The following CUBN variants were observed in gnomAD, a reference collection of about 807,000 sequenced individuals.
CUBN encodes 460 kDa receptor.
A neutral mutation model predicts 405.3 loss-of-function variants in CUBN; 282 were observed. The observed-to-expected ratio is 0.70, with a 90% CI of 0.63 to 0.77. The LOEUF (loss-of-function observed/expected upper bound fraction) is 0.77, where lower values mean the gene tolerates loss of function less well. Ranked by LOEUF, CUBN falls within the 30% of genes least tolerant of loss-of-function variation. CUBN has a pLI of 0.00. For missense variants in CUBN, 4,514 were observed against 4,475.2 expected, an observed-to-expected ratio of 1.01 and a Z score of -0.25; for synonymous variants, 1,684 against 1,617.0, an observed-to-expected ratio of 1.04 and a Z score of -0.99.
At chr10:16,949,904 G>C (rs770952579) in intron 34 of CUBN, 97 bp downstream of exon 34, 19 of 908,314 alleles carry the variant, frequency 2.1e-5, no homozygotes, top group Middle Eastern at 3.2e-4. Context: ...CTATTTATTG[G>C]AAACATTGCA....
chr10:16,951,558 C>T (rs1179836088), intron 33 of CUBN, among the ~76,000 whole-genome samples: 3 of 151,994 alleles, frequency 2.0e-5, no homozygotes, highest in Non-Finnish European at 4.4e-5. Context: ...TCAGAAGGGC[C>T]CCAGCATCAC....
At chr10:16,977,577 CT>C (rs1256444105) in intron 31 of CUBN, among the ~76,000 whole-genome samples, 1 of 152,174 alleles carries the variant, frequency 6.6e-6, no homozygotes, top group Non-Finnish European at 1.5e-5. Context: ...AGTAAAACCC[CT>C]GCATTCACCA....
intron 27 of CUBN, among the ~76,000 whole-genome samples, chr10:17,025,924 C>A (rs1834650928): frequency 6.6e-6 from 1 of 152,032 alleles, no homozygotes; most frequent in African/African-American, 2.4e-5. Flanking sequence ...CAGGGGACAG[C>A]AGCAAAGAGA....
At position 17,090,036 on chromosome 10, in the gene CUBN, A is replaced by G. The variant is rs117495193; in HGVS notation, c.1766-1691T>C. On this transcript the variant is annotated intron_variant, in intron 14 of 66. Coordinates refer to ENST00000377833, the MANE Select transcript of CUBN (RefSeq NM_001081.4). Reference sequence around the variant, plus strand: ...GAGACTGAGGAAGGAGGATCACTTGAGCCTGGGAGGTTGAGGTTGCTGTGA... The same window carrying G: ...GAGACTGAGGAAGGAGGATCACTTGGGCCTGGGAGGTTGAGGTTGCTGTGA... Among the ~76,000 whole-genome samples the G allele has an allele frequency of 1.7e-3, 260 of 152,272 alleles. 4 individuals are homozygous for G. In the East Asian group the frequency reaches 0.038, roughly 22 times the overall value.
chr10:17,121,504 C>G (rs2131321377), intron 6 of CUBN, among the ~76,000 whole-genome samples: 1 of 129,630 alleles, frequency 7.7e-6, no homozygotes, highest in Middle Eastern at 5.6e-3. Context: ...AATGAGAACA[C>G]ATGGACACAG....
At chr10:16,926,041 G>A (rs962638215) in intron 41 of CUBN, among the ~76,000 whole-genome samples, 18 of 152,126 alleles carry the variant, frequency 1.2e-4, no homozygotes, top group Non-Finnish European at 1.8e-4. Flanking sequence ...CTTTATAGAT[G>A]GGGAAGACAT....
intron 49 of CUBN, among the ~76,000 whole-genome samples, chr10:16,906,802 AGAT>A (rs1190779344): frequency 1.3e-5 from 2 of 151,954 alleles, no homozygotes; most frequent in African/African-American, 4.8e-5. Flanking sequence ...TAAATCAAAC[AGAT>A]AATAGGACAT....
chr10:17,053,210 G>C (rs1192386596), intron 22 of CUBN, among the ~76,000 whole-genome samples: 1 of 151,976 alleles, frequency 6.6e-6, no homozygotes, highest in Non-Finnish European at 1.5e-5. Flanking sequence ...ATAATGGTAT[G>C]TTAAATTCAA....
At chr10:16,935,521 T>C (rs183823100) in intron 39 of CUBN, among the ~76,000 whole-genome samples, 10 of 152,318 alleles carry the variant, frequency 6.6e-5, no homozygotes, top group African/African-American at 2.4e-4. Context: ...CTTCTCAGTG[T>C]ATCCATAATA....
At chr10:16,825,628 AGTGTGTGTGTGTGTGTGTGTGT>A (rs377156071) in intron 66 of CUBN, among the ~76,000 whole-genome samples, 14 of 136,008 alleles carry the variant, frequency 1.0e-4, no homozygotes, top group Middle Eastern at 4.0e-3. Flanking sequence ...TCTGTGGAAC[AGTGTGTGTGTGTGTGTGTGTGT>A]GTGTGTGTGT....
chr10:17,083,957 C>A (rs962067925), intron 17 of CUBN, among the ~76,000 whole-genome samples: 5 of 152,104 alleles, frequency 3.3e-5, no homozygotes, highest in African/African-American at 1.2e-4. Context: ...ACCTCCAAAA[C>A]AAGGGTCATT....
Position 16,833,303 on chromosome 10 carries a change from G to A in CUBN, c.10362+1711C>T, listed in dbSNP as rs191007352. On this transcript the variant is annotated intron_variant, in intron 64 of 66. Transcript: ENST00000377833. ...CAGGTCCAAGTTGAATAACCTGACC[G>A]GCACAAAGAATAACTGTATTTGCCT... Among the ~76,000 whole-genome samples, 655 of 152,258 alleles carry A rather than the reference G, an allele frequency of 4.3e-3. 5 individuals carry two copies. The highest frequency in any genetic ancestry group is 6.6e-3 in the Admixed American group (101 of 15,298).
In CUBN at chr10:16,869,774, C is replaced by CGCT. The variant is rs1840296442; in HGVS notation, c.9313_9315dup (p.Ser3105dup). On this transcript the variant is annotated inframe_insertion, in exon 59 of 67. Transcript: ENST00000377833. ...CCGCAGAATTTGCCAAGAAGGGGAT[C>CGCT]GCTGGTATTGGCACCATCGTAAATT... 2 of 1,614,018 alleles carry CGCT rather than the reference C, an allele frequency of 1.2e-6. No individual in the cohort carries two copies. Among genetic ancestry groups the CGCT allele is most frequent in the Non-Finnish European group, 1.7e-6 (2 of 1,179,956 alleles).
chr10:17,060,349 G>A (rs971305999), intron 22 of CUBN, among the ~76,000 whole-genome samples: 2 of 151,732 alleles, frequency 1.3e-5, no homozygotes, highest in African/African-American at 2.4e-5. Context: ...TCGAACTCCC[G>A]ATCTCAGGTG....
chr10:17,023,026 C>G (rs1834539560), intron 27 of CUBN, among the ~76,000 whole-genome samples: 1 of 152,192 alleles, frequency 6.6e-6, no homozygotes, highest in Non-Finnish European at 1.5e-5. Flanking sequence ...AGGTCATGAA[C>G]AGCATAGCAT....
At position 17,104,610 on chromosome 10, in the gene CUBN, G is replaced by A. The variant is rs961557864; in HGVS notation, c.1231-5C>T. On this transcript the variant is annotated splice_polypyrimidine_tract_variant and splice_region_variant and intron_variant, in intron 11 of 66. Transcript: ENST00000377833. The stretch of plus-strand genomic sequence containing the variant: ...AAAATAACCAGAGACAGTGTCCTAA[G>A]GGGAAAAAAAACACATAATACCATA... 6.2e-7 allele frequency: 1 copy of A among 1,609,420 alleles called. No individual in the cohort carries two copies. Among genetic ancestry groups the A allele is most frequent in the Non-Finnish European group, 8.5e-7 (1 of 1,177,924 alleles).
intron 31 of CUBN, among the ~76,000 whole-genome samples, chr10:16,955,888 C>G (rs920077912): frequency 2.0e-5 from 3 of 152,122 alleles, no homozygotes; most frequent in African/African-American, 7.2e-5. Context: ...TTGTTCACTG[C>G]AAGGTATCAA....
Position 16,940,184 on chromosome 10 carries a change from C to T in CUBN, c.5396G>A (p.Arg1799His), listed in dbSNP as rs758077332. Residue 1799 changes from arginine to histidine, a missense_variant, in exon 37 of 67, where the codon CGT becomes CAT. Physicochemically the swap from Arg to His is conservative, Grantham distance 29. This residue lies in a region of CUBN where 1,613 missense variants were observed against 1,542.8 expected (regional missense o/e 1.05). Coordinates refer to ENST00000377833, the MANE Select transcript of CUBN (RefSeq NM_001081.4). ...CAAGTGACCCGTGGCATTTCCTTCA[C>T]GGATCTCCACAAAATCTCTGCTGCA... ...QDCSRDFVEI[R>H]EGNATGHLVG... 23 of 1,613,948 alleles carry T rather than the reference C, an allele frequency of 1.4e-5. No individual in the cohort carries two copies. Among genetic ancestry groups the T allele is most frequent in the Middle Eastern group, 1.6e-4 (1 of 6,082 alleles).
chr10:16,855,975 G>A (rs1418060738), intron 59 of CUBN, among the ~76,000 whole-genome samples: 3 of 152,076 alleles, frequency 2.0e-5, no homozygotes, highest in Non-Finnish European at 2.9e-5. Context: ...TTGAGAAAAC[G>A]TAATGATCAA....
Sources: gnomAD v4.1 joint callset for allele counts (sites outside exome capture counted in the v4.1 genomes callset) on GRCh38, gnomAD v4.1.1 for gene constraint, gnomAD v4.1.1 regional missense constraint, MANE v1.5 for transcripts, NCBI Gene and HGNC (gene_info 2026-07-23, HGNC 2026-07-21) for gene names.